The following OR9A2 variants were observed in gnomAD, a reference collection of about 807,000 sequenced individuals.
OR9A2 encodes olfactory receptor 9A2.
In OR9A2, 14 loss-of-function variants were observed where a neutral mutation model predicts 18.7. The observed-to-expected ratio is 0.75, with a 90% CI of 0.50 to 1.17. The LOEUF (loss-of-function observed/expected upper bound fraction) is 1.17, where lower values mean the gene tolerates loss of function less well. Ranked by LOEUF, OR9A2 falls within the 50% of genes most tolerant of loss-of-function variation. The pLI, the probability that OR9A2 is intolerant of heterozygous loss-of-function variation, is 0.00. For missense variants in OR9A2, 353 were observed against 372.7 expected, an observed-to-expected ratio of 0.95 and a Z score of 0.44; for synonymous variants, 142 against 142.6, an observed-to-expected ratio of 1.00 and a Z score of 0.03.
chr7:143,026,716 C>G lies in OR9A2; in HGVS notation c.417G>C (p.Trp139Cys). The change falls in exon 1 of 1, where the codon TGG (tryptophan) becomes TGC (cysteine). Residue 139 changes from tryptophan to cysteine, a missense_variant. Coordinates refer to ENST00000350513, the MANE Select transcript of OR9A2 (RefSeq NM_001001658.1). ...NIIMNSSTCI[W>C]VVIVSWVFGF... ...CAAACACCCATGACACTATTACCAC[C>G]CAAATACAGGTACTGCTGTTCATAA... 1 of 1,614,082 alleles carries G rather than the reference C, an allele frequency of 6.2e-7. No individual in the cohort carries two copies. Among genetic ancestry groups the G allele is most frequent in the Non-Finnish European group, 8.5e-7 (1 of 1,180,018 alleles).
In OR9A2 at chr7:143,026,421, C is replaced by T. The variant is rs958804594; in HGVS notation, c.712G>A (p.Ala238Thr). ...ATCACAACACAGGTGAAGTGGGAGG[C>T]AAAAGTGGAGAAGGCTTTCCTCCGG... is the stretch of plus-strand genomic sequence containing the variant. ...SGRRKAFSTF[A>T]SHFTCVVIGY... is the part of the protein sequence containing the mutation. The change falls in exon 1 of 1, where the codon GCC becomes ACC. Residue 238 changes from alanine to threonine, a missense_variant. Coordinates refer to ENST00000350513, the MANE Select transcript of OR9A2 (RefSeq NM_001001658.1). 1.9e-5 allele frequency: 30 copies of T among 1,613,784 alleles called. No individual in the cohort carries two copies. The highest frequency in any genetic ancestry group is 2.5e-5 in the Non-Finnish European group (29 of 1,179,994).
rs1030283925 is a variant in OR9A2 at position 143,027,006 on chromosome 7, C to A, written c.127G>T (p.Val43Phe). ...TCCACACAGACAATCACAATGATGA[C>A]CGTGTTTCCCATTAATGTCACTAAA... ...FYLVTLMGNTVIIVIVCVDKR... is the reference protein window; with the variant it reads ...FYLVTLMGNTFIIVIVCVDKR... Residue 43 changes from valine (V) to phenylalanine (F), a missense_variant, in exon 1 of 1, where the codon GTC becomes TTC. Coordinates refer to ENST00000350513, the MANE Select transcript of OR9A2 (RefSeq NM_001001658.1). 1 of 1,614,024 alleles carries A rather than the reference C, an allele frequency of 6.2e-7. No individual in the cohort carries two copies. The highest frequency in any genetic ancestry group is 8.5e-7 in the Non-Finnish European group (1 of 1,180,004).
Position 143,026,982 on chromosome 7 carries a change from CCA to C in OR9A2, c.149_150del (p.Val50GlyfsTer2). On this transcript the variant is annotated frameshift_variant, in exon 1 of 1. Transcript: ENST00000350513. LOFTEE classifies it high-confidence loss of function. The part of the protein sequence containing the change: ...GNTVIIVIVC[V>X]DKRLQSPMYF... ...TACATGGGGGACTGCAGACGTTTAT[CCA>C]CACAGACAATCACAATGATGACCGT... is the stretch of plus-strand genomic sequence containing the variant. The C allele has an allele frequency of 6.2e-7, 1 of 1,614,128 alleles. No individual in the cohort carries two copies. Among genetic ancestry groups the C allele is most frequent in the Non-Finnish European group, 8.5e-7 (1 of 1,180,016 alleles).
chr7:143,026,506 A>G lies in OR9A2; in HGVS notation c.627T>C (p.Pro209=), dbSNP rs1328715587. ...TAATGTAGGTGTAGGAGACAATCGT[A>G]GGGATCAAAGAACCAATGAGAATAA... ...AVFILIGSLI[P]TIVSYTYIIS... The change falls in exon 1 of 1, where the codon CCT becomes CCC. Residue 209 remains proline, a synonymous_variant. Transcript: ENST00000350513. The G allele has an allele frequency of 1.9e-6, 3 of 1,614,096 alleles. No individual in the cohort carries two copies. Among genetic ancestry groups the G allele is most frequent in the Middle Eastern group, 1.6e-4 (1 of 6,084 alleles).
Position 143,026,254 on chromosome 7 carries a change from G to A in OR9A2, c.879C>T (p.Val293=). 1 of 1,612,350 alleles carries A rather than the reference G, an allele frequency of 6.2e-7. No individual in the cohort carries two copies. Among genetic ancestry groups the A allele is most frequent in the Non-Finnish European group, 8.5e-7 (1 of 1,179,430 alleles). Residue 293 remains valine, a synonymous_variant, in exon 1 of 1, where the codon GTC becomes GTT. Transcript: ENST00000350513. The part of the protein sequence containing the change: ...PFIFTLRNDK[V]KEALRDGMKR... ...TCATCCCATCTCGGAGGGCCTCTTT[G>A]ACTTTGTCATTCCGAAGAGTAAAGA...
At position 143,026,976 on chromosome 7, in the gene OR9A2, G is replaced by T; in HGVS notation, c.157C>A (p.Arg53Ser). The T allele has an allele frequency of 1.2e-6, 2 of 1,614,182 alleles. No individual in the cohort carries two copies. The highest frequency in any genetic ancestry group is 2.2e-5 in the South Asian group (2 of 91,072). The part of the protein sequence containing the change: ...VIIVIVCVDK[R>S]LQSPMYFFLS... ...AAGAAATACATGGGGGACTGCAGAC[G>T]TTTATCCACACAGACAATCACAATG... The change falls in exon 1 of 1, where the codon CGT becomes AGT. Residue 53 changes from arginine (R) to serine (S), a missense_variant. Coordinates refer to ENST00000350513, the MANE Select transcript of OR9A2 (RefSeq NM_001001658.1).
rs542433732 is a variant in OR9A2, at chr7:143,027,073, T to C, written c.60A>G (p.Gln20=). 2.4e-5 allele frequency: 38 copies of C among 1,613,338 alleles called. No homozygotes were observed. In the South Asian group the frequency reaches 4.0e-4, roughly 17 times the overall value. The change falls in exon 1 of 1, where the codon CAA becomes CAG. Residue 20 remains glutamine, a synonymous_variant. Transcript: ENST00000350513. Reference sequence around the variant, plus strand: ...TAGCAAAAAGAATGTGGTGTAGTCCTTGGGACCCAGGGAAGCCTAGAAGGT... The same window carrying C: ...TAGCAAAAAGAATGTGGTGTAGTCCCTGGGACCCAGGGAAGCCTAGAAGGT... The part of the protein sequence containing the change: ...EFHLLGFPGS[Q]GLHHILFAIF...
At position 143,026,825 on chromosome 7, in the gene OR9A2, C is replaced by A. The variant is rs1586312647; in HGVS notation, c.308G>T (p.Cys103Phe). 6.2e-7 allele frequency: 1 copy of A among 1,614,006 alleles called. No individual in the cohort carries two copies. Among genetic ancestry groups the A allele is most frequent in the Non-Finnish European group, 8.5e-7 (1 of 1,180,042 alleles). ...LSLHVSLNFS[C>F]GTMEFALLGV... ...AAGTAATGCAAACTCCATGGTCCCA[C>A]AGGAAAAGTTGAGCGATACATGTAG... Residue 103 changes from cysteine to phenylalanine, a missense_variant, in exon 1 of 1, where the codon TGT becomes TTT. Physicochemically the swap from Cys to Phe is radical, Grantham distance 205 (BLOSUM62 -2). Transcript: ENST00000350513.
Position 143,026,205 on chromosome 7 carries a change from C to G in OR9A2, c.928G>C (p.Asp310His), listed in dbSNP as rs754051643. 1 of 1,585,300 alleles carries G rather than the reference C, an allele frequency of 6.3e-7. No homozygotes were observed. The highest frequency in any genetic ancestry group is 8.6e-7 in the Non-Finnish European group (1 of 1,166,700). The change falls in exon 1 of 1, where the codon GAT becomes CAT. Residue 310 changes from aspartate to histidine, a missense_variant. Coordinates refer to ENST00000350513, the MANE Select transcript of OR9A2 (RefSeq NM_001001658.1). ...AAAACTGACTTACAGAACAGCTAATCTTTCAGGAGTTGACAGCAGCGTTTC... is the reference window on the plus strand; with the variant it reads ...AAAACTGACTTACAGAACAGCTAATGTTTCAGGAGTTGACAGCAGCGTTTC... ...GMKRCCQLLKD is the reference protein window; with the variant it reads ...GMKRCCQLLKH
In OR9A2 at chr7:143,027,112, A is replaced by G; in HGVS notation, c.21T>C (p.Ser7=). ...AGCCTAGAAGGTGGAATTCAGTGGCACTAGAGTGGTTGTCCATCATTTAGT... is the reference window on the plus strand; with the variant it reads ...AGCCTAGAAGGTGGAATTCAGTGGCGCTAGAGTGGTTGTCCATCATTTAGT... The part of the protein sequence containing the change: MMDNHS[S]ATEFHLLGFP... The change falls in exon 1 of 1, where the codon AGT becomes AGC. Residue 7 remains serine, a synonymous_variant. Transcript: ENST00000350513. 6.3e-7 allele frequency: 1 copy of G among 1,598,880 alleles called. No individual in the cohort carries two copies.
rs780799124 is a variant in OR9A2 at position 143,026,869 on chromosome 7, T to A, written c.264A>T (p.Gly88=). Reference sequence around the variant, plus strand: ...CATGTAGAGAAAGATACTGTCTGCATCCCAGGAAGAGCAATCCCCAAAGCA... The same window carrying A: ...CATGTAGAGAAAGATACTGTCTGCAACCCAGGAAGAGCAATCCCCAAAGCA... ...PMMLWGLLFL[G]CRQYLSLHVS... The change falls in exon 1 of 1, where the codon GGA becomes GGT. Residue 88 remains glycine, a synonymous_variant. Transcript: ENST00000350513. 8 of 1,614,020 alleles carry A rather than the reference T, an allele frequency of 5.0e-6. No individual in the cohort carries two copies. The highest frequency in any genetic ancestry group is 6.8e-6 in the Non-Finnish European group (8 of 1,180,028).
In OR9A2 at chr7:143,026,504, G is replaced by A. The variant is rs369516935; in HGVS notation, c.629C>T (p.Thr210Met). ...GATAATGTAGGTGTAGGAGACAATC[G>A]TAGGGATCAAAGAACCAATGAGAAT... ...VFILIGSLIP[T>M]IVSYTYIIST... The change falls in exon 1 of 1, where the codon ACG becomes ATG. Residue 210 changes from threonine to methionine, a missense_variant. Coordinates refer to ENST00000350513, the MANE Select transcript of OR9A2 (RefSeq NM_001001658.1). 8.1e-6 allele frequency: 13 copies of A among 1,614,058 alleles called. No homozygotes were observed. In the South Asian group the frequency reaches 9.9e-5, roughly 12 times the overall value.
In OR9A2 at chr7:143,026,331, T is replaced by C; in HGVS notation, c.802A>G (p.Lys268Glu). 6.2e-7 allele frequency: 1 copy of C among 1,614,098 alleles called. No homozygotes were observed. The highest frequency in any genetic ancestry group is 8.5e-7 in the Non-Finnish European group (1 of 1,180,018). The change falls in exon 1 of 1, where the codon AAG (lysine) becomes GAG (glutamate). Residue 268 changes from lysine (K) to glutamate (E), a missense_variant. By Grantham distance (56) the Lys-to-Glu change is moderately conservative. Coordinates refer to ENST00000350513, the MANE Select transcript of OR9A2 (RefSeq NM_001001658.1). ...PKQTQGVEYNKIVSLLVSVLT... is the reference protein window; with the variant it reads ...PKQTQGVEYNEIVSLLVSVLT... ...ACAGAAACCAACAGGGAAACTATCT[T>C]ATTGTACTCAACTCCCTGTGTTTGC...
chr7:143,026,575 A>C lies in OR9A2; in HGVS notation c.558T>G (p.Asp186Glu). The change falls in exon 1 of 1, where the codon GAT (aspartate) becomes GAG (glutamate). Residue 186 changes from aspartate (D) to glutamate (E), a missense_variant. Asp to Glu is a conservative substitution (Grantham distance 45, BLOSUM62 2). Transcript: ENST00000350513. ...DRGQLLKLSC[D>E]NTLLTEFILF... is the part of the protein sequence containing the mutation. ...GGATAAACTCTGTGAGAAGAGTGTT[A>C]TCGCAGGACAGTTTGAGCAATTGCC... 1 of 1,614,236 alleles carries C rather than the reference A, an allele frequency of 6.2e-7. No homozygotes were observed. The highest frequency in any genetic ancestry group is 1.1e-5 in the South Asian group (1 of 91,086).
Position 143,026,867 on chromosome 7 carries a change from C to T in OR9A2, c.266G>A (p.Cys89Tyr). 3 of 1,614,176 alleles carry T rather than the reference C, an allele frequency of 1.9e-6. No individual in the cohort carries two copies. In the South Asian group the frequency reaches 3.3e-5, roughly 18 times the overall value. ...MMLWGLLFLG[C>Y]RQYLSLHVSL... is the part of the protein sequence containing the mutation. The stretch of plus-strand genomic sequence containing the variant: ...TACATGTAGAGAAAGATACTGTCTG[C>T]ATCCCAGGAAGAGCAATCCCCAAAG... The change falls in exon 1 of 1, where the codon TGC becomes TAC. Residue 89 changes from cysteine to tyrosine, a missense_variant. Transcript: ENST00000350513.
rs761336631 is a variant in OR9A2, at chr7:143,026,372, A to C, written c.761T>G (p.Leu254Arg). The C allele has an allele frequency of 6.2e-7, 1 of 1,614,200 alleles. No homozygotes were observed. The highest frequency in any genetic ancestry group is 8.5e-7 in the Non-Finnish European group (1 of 1,180,030). The part of the protein sequence containing the change: ...VVIGYGSCLF[L>R]YVKPKQTQGV... ...CTGTGTTTGCTTGGGTTTCACGTAG[A>C]GAAACAAGCAGCTGCCATAGCCAAT... Residue 254 changes from leucine to arginine, a missense_variant, in exon 1 of 1, where the codon CTC becomes CGC. Physicochemically the swap from Leu to Arg is moderately radical, Grantham distance 102 (BLOSUM62 -2). Transcript: ENST00000350513.
chr7:143,026,557 C>T lies in OR9A2; in HGVS notation c.576G>A (p.Glu192=), dbSNP rs1165023629. 3 of 1,614,152 alleles carry T rather than the reference C, an allele frequency of 1.9e-6. No individual in the cohort carries two copies. The highest frequency in any genetic ancestry group is 2.2e-5 in the South Asian group (2 of 91,078). Reference sequence around the variant, plus strand: ...AAACAGCCATTAAGAAAAGGATAAACTCTGTGAGAAGAGTGTTATCGCAGG... The same window carrying T: ...AAACAGCCATTAAGAAAAGGATAAATTCTGTGAGAAGAGTGTTATCGCAGG... The part of the protein sequence containing the change: ...KLSCDNTLLT[E]FILFLMAVFI... Residue 192 remains glutamate (E), a synonymous_variant, in exon 1 of 1, where the codon GAG becomes GAA. Transcript: ENST00000350513.
In OR9A2 at chr7:143,026,342, A is replaced by G; in HGVS notation, c.791T>C (p.Val264Ala). The change falls in exon 1 of 1, where the codon GTT becomes GCT. Residue 264 changes from valine (V) to alanine (A), a missense_variant. Coordinates refer to ENST00000350513, the MANE Select transcript of OR9A2 (RefSeq NM_001001658.1). ...CAGGGAAACTATCTTATTGTACTCA[A>G]CTCCCTGTGTTTGCTTGGGTTTCAC... ...LYVKPKQTQG[V>A]EYNKIVSLLV... 6.2e-7 allele frequency: 1 copy of G among 1,613,774 alleles called. No individual in the cohort carries two copies. Among genetic ancestry groups the G allele is most frequent in the Non-Finnish European group, 8.5e-7 (1 of 1,179,932 alleles).
In OR9A2 at chr7:143,026,264, T is replaced by C; in HGVS notation, c.869A>G (p.Asn290Ser). The part of the protein sequence containing the change: ...FLNPFIFTLR[N>S]DKVKEALRDG... ...TCGGAGGGCCTCTTTGACTTTGTCA[T>C]TCCGAAGAGTAAAGATGAAAGGATT... Residue 290 changes from asparagine to serine, a missense_variant, in exon 1 of 1, where the codon AAT becomes AGT. By Grantham distance (46) the Asn-to-Ser change is conservative. Transcript: ENST00000350513. 6.2e-7 allele frequency: 1 copy of C among 1,613,122 alleles called. No individual in the cohort carries two copies. Among genetic ancestry groups the C allele is most frequent in the East Asian group, 2.2e-5 (1 of 44,894 alleles).
Sources: allele counts gnomAD v4.1 joint callset, GRCh38; gene constraint gnomAD v4.1.1; transcripts MANE v1.5; gene names NCBI Gene and HGNC (gene_info 2026-07-23, HGNC 2026-07-21).